ITPR2: variants seen among roughly 807,000 people sequenced by gnomAD.
The protein encoded by ITPR2 is inositol 1,4,5-trisphosphate receptor type 2.
A neutral mutation model predicts 317.1 loss-of-function variants in ITPR2; 207 were observed. The observed-to-expected ratio is 0.65, with a 90% confidence interval of 0.58 to 0.73. The LOEUF (loss-of-function observed/expected upper bound fraction) is 0.73. ITPR2 is among the 30% of genes least tolerant of loss of function. The pLI, the probability that ITPR2 is intolerant of heterozygous loss-of-function variation, is 0.00. For missense variants in ITPR2, 2,613 were observed against 3,284.0 expected, an observed-to-expected ratio of 0.80 and a Z score of 4.99; for synonymous variants, 1,156 against 1,149.1, an observed-to-expected ratio of 1.01 and a Z score of -0.12.
intron 45 of ITPR2, among the ~76,000 whole-genome samples, chr12:26,471,368 G>T (rs1469022687): frequency 6.6e-6 from 1 of 152,154 alleles, no homozygotes; most frequent in Non-Finnish European, 1.5e-5. Flanking sequence ...AGCAAGAAAA[G>T]AATATAAAAG....
chr12:26,787,302 T>G (rs1299483617), intron 2 of ITPR2, among the ~76,000 whole-genome samples: 1 of 152,166 alleles, frequency 6.6e-6, no homozygotes, highest in Non-Finnish European at 1.5e-5. Flanking sequence ...GATAAATGAT[T>G]TAATCTAAAA....
intron 2 of ITPR2, among the ~76,000 whole-genome samples, chr12:26,742,397 C>G (rs547585921): frequency 6.6e-6 from 1 of 152,244 alleles, no homozygotes; most frequent in African/African-American, 2.4e-5. Flanking sequence ...CACACAAAAC[C>G]TAATGTTAGG....
chr12:26,694,011 C>T (rs1322730002), intron 10 of ITPR2, among the ~76,000 whole-genome samples: 1 of 152,150 alleles, frequency 6.6e-6, no homozygotes, highest in Non-Finnish European at 1.5e-5. Context: ...AATGGTGGTG[C>T]TAGAACAAGA....
chr12:26,454,364 C>T (rs1259933992), intron 45 of ITPR2, among the ~76,000 whole-genome samples: 1 of 152,040 alleles, frequency 6.6e-6, no homozygotes, highest in Non-Finnish European at 1.5e-5. Flanking sequence ...ACCACCATGA[C>T]CAGCTAATTT....
chr12:26,742,445 C>T (rs1197758245), intron 2 of ITPR2, among the ~76,000 whole-genome samples: 2 of 152,106 alleles, frequency 1.3e-5, no homozygotes, highest in African/African-American at 4.8e-5. Flanking sequence ...AGAGAAAAAC[C>T]TAAATGTCCA....
chr12:26,475,506 C>T, intron 44 of ITPR2, 88 bp from the exon 45 acceptor site: 2 of 1,407,788 alleles, frequency 1.4e-6, no homozygotes, highest in East Asian at 2.4e-5. Flanking sequence ...TGGGCAGCTT[C>T]ATAAGCCTCA....
intron 26 of ITPR2, among the ~76,000 whole-genome samples, chr12:26,606,864 A>C (rs1355754071): frequency 6.6e-6 from 1 of 152,178 alleles, no homozygotes; most frequent in Non-Finnish European, 1.5e-5. Flanking sequence ...TTGAGCCAAG[A>C]GTTTGAGGCT....
chr12:26,548,919 T>C (rs1373694572), intron 37 of ITPR2, among the ~76,000 whole-genome samples: 2 of 152,228 alleles, frequency 1.3e-5, no homozygotes, highest in South Asian at 2.1e-4. Flanking sequence ...CTGATTTCTT[T>C]CCGATTTTCC....
chr12:26,685,743 C>T (rs1948112597), intron 11 of ITPR2, among the ~76,000 whole-genome samples: 1 of 152,222 alleles, frequency 6.6e-6, no homozygotes, highest in African/African-American at 2.4e-5. Flanking sequence ...TGCCTTCTCA[C>T]TGGTCCTTAA....
chr12:26,691,193 T>C (rs920858984), intron 10 of ITPR2, among the ~76,000 whole-genome samples: 1 of 152,204 alleles, frequency 6.6e-6, no homozygotes, highest in African/African-American at 2.4e-5. Flanking sequence ...GTGTGATAAG[T>C]ATACAATTTT....
At chr12:26,684,282 A>C (rs1269058834) in intron 11 of ITPR2, among the ~76,000 whole-genome samples, 3 of 152,206 alleles carry the variant, frequency 2.0e-5, no homozygotes, top group African/African-American at 7.2e-5. Flanking sequence ...TGGACTCCAC[A>C]GTGGAATCAC....
chr12:26,491,321 A>C (rs1356476514), intron 39 of ITPR2, among the ~76,000 whole-genome samples: 1 of 151,696 alleles, frequency 6.6e-6, no homozygotes, highest in African/African-American at 2.4e-5. Context: ...GTCTCTACTA[A>C]AAATACAAAA....
intron 1 of ITPR2, among the ~76,000 whole-genome samples, chr12:26,819,965 A>G (rs190035802): frequency 2.0e-5 from 3 of 152,222 alleles, no homozygotes; most frequent in Non-Finnish European, 4.4e-5. Context: ...CAGCTACTCC[A>G]GAGGCTGAGG....
chr12:26,758,422 T>G (rs1949566512), intron 2 of ITPR2, among the ~76,000 whole-genome samples: 1 of 152,248 alleles, frequency 6.6e-6, no homozygotes, highest in Non-Finnish European at 1.5e-5. Flanking sequence ...ATTAATTTTG[T>G]CAGGATCAAT....
At chr12:26,785,428 TG>T (rs1414785717) in intron 2 of ITPR2, among the ~76,000 whole-genome samples, 1 of 49,930 alleles carries the variant, frequency 2.0e-5, no homozygotes, top group Non-Finnish European at 4.9e-5. Flanking sequence ...AGGAGGGAGG[TG>T]GGGGGGTCAG....
At chr12:26,772,229 C>A (rs1190196347) in intron 2 of ITPR2, among the ~76,000 whole-genome samples, 1 of 151,394 alleles carries the variant, frequency 6.6e-6, no homozygotes. Context: ...CCCAACAAGT[C>A]TACATGTCCT....
intron 19 of ITPR2, 123 bp from the exon 20 acceptor site, chr12:26,655,975 G>T: frequency 1.0e-6 from 1 of 954,422 alleles, no homozygotes; most frequent in Non-Finnish European, 1.6e-6. Flanking sequence ...CTAGAGGCTG[G>T]GTCCTCATCT....
rs1950482781 is a variant in ITPR2, at chr12:26,797,961, G to T, written c.93-7734C>A. ...CCCACCTCGGCCTCCCAAAGTGCTGGGATTACAGGTGTGAGCCACTGCGCC... is the reference window on the plus strand; with the variant it reads ...CCCACCTCGGCCTCCCAAAGTGCTGTGATTACAGGTGTGAGCCACTGCGCC... On this transcript the variant is annotated intron_variant, in intron 1 of 56. Transcript: ENST00000381340. 1.3e-5 allele frequency among the ~76,000 whole-genome samples: 2 copies of T among 151,858 alleles called. 1 individual carries two copies. Among genetic ancestry groups the T allele is most frequent in the South Asian group, 4.2e-4 (2 of 4,796 alleles).
chr12:26,546,270 G>C (rs1565594464), intron 37 of ITPR2, among the ~76,000 whole-genome samples: 1 of 152,058 alleles, frequency 6.6e-6, no homozygotes, highest in African/African-American at 2.4e-5. Flanking sequence ...ACCCTACTCT[G>C]CTATCAAACA....
Sources: gnomAD v4.1 joint callset for allele counts (sites outside exome capture counted in the v4.1 genomes callset) on GRCh38, gnomAD v4.1.1 for gene constraint, MANE v1.5 for transcripts, NCBI Gene and HGNC (gene_info 2026-07-23, HGNC 2026-07-21) for gene names.